Variants in SRRM4 observed in about 807,000 individuals in gnomAD.
SRRM4 encodes serine/arginine repetitive matrix 4, also known as serine/arginine repetitive matrix protein 4.
Under a neutral mutation model 68.9 loss-of-function variants are expected in SRRM4, and 33 were observed. That is an observed-to-expected ratio of 0.48 (90% CI 0.36 to 0.64). The LOEUF (loss-of-function observed/expected upper bound fraction) is 0.64. Among genes scored for constraint, SRRM4 ranks in the 30% least tolerant of loss-of-function variants. SRRM4 has a pLI of 0.00. For synonymous variants in SRRM4, 318 were observed against 318.8 expected (o/e 1.00, Z 0.03); for missense variants, 817 against 827.1 (o/e 0.99, Z 0.15).
chr12:119,120,941 A>C (rs971045613), intron 5 of SRRM4, among the ~76,000 whole-genome samples: 1 of 152,176 alleles, frequency 6.6e-6, no homozygotes, highest in African/African-American at 2.4e-5. Flanking sequence ...AATAACAATA[A>C]CCACATCTAG....
intron 1 of SRRM4, among the ~76,000 whole-genome samples, chr12:119,002,942 T>C (rs1953394029): frequency 6.7e-6 from 1 of 150,358 alleles, no homozygotes; most frequent in African/African-American, 2.4e-5. Flanking sequence ...TGAATGAAAT[T>C]GCTTCAACCT....
intron 4 of SRRM4, among the ~76,000 whole-genome samples, chr12:119,118,898 AG>A (rs1290918545): frequency 6.6e-6 from 1 of 152,108 alleles, no homozygotes; most frequent in Non-Finnish European, 1.5e-5. Context: ...GGAGATGATT[AG>A]GAGGGGAAAT....
In SRRM4 at chr12:119,065,311, G is replaced by A. The variant is rs144554797; in HGVS notation, c.132-36925G>A. Among the ~76,000 whole-genome samples, 3 of 152,318 alleles carry A rather than the reference G, an allele frequency of 2.0e-5. No homozygotes were observed. In the East Asian group the frequency reaches 5.8e-4, roughly 29 times the overall value. ...CCATCAAAAATGTAGACAGCTCCAA[G>A]TGAGTCAGATCCCCTGACTGAAACA... On this transcript the variant is annotated intron_variant, in intron 1 of 12. Coordinates refer to ENST00000267260, the MANE Select transcript of SRRM4 (RefSeq NM_194286.4).
intron 12 of SRRM4, among the ~76,000 whole-genome samples, chr12:119,155,951 C>T (rs1004508760): frequency 2.0e-5 from 3 of 152,118 alleles, no homozygotes; most frequent in African/African-American, 7.2e-5. Flanking sequence ...TTTAGTCAAT[C>T]TCAAATAATT....
chr12:119,125,060 A>G (rs1026256651), intron 6 of SRRM4, among the ~76,000 whole-genome samples: 5 of 152,092 alleles, frequency 3.3e-5, no homozygotes, highest in African/African-American at 1.2e-4. Context: ...GCCTGCCTTG[A>G]GTGATGCAGA....
chr12:119,004,119 C>T (rs369443063), intron 1 of SRRM4, among the ~76,000 whole-genome samples: 5 of 152,136 alleles, frequency 3.3e-5, no homozygotes, highest in South Asian at 4.2e-4. Context: ...TGGTACCAAA[C>T]TCTTTTTGAA....
At chr12:119,071,056 G>A (rs75236934) in intron 1 of SRRM4, among the ~76,000 whole-genome samples, 3,451 of 152,250 alleles carry the variant, frequency 0.023, 52 homozygotes, top group Middle Eastern at 0.085. Flanking sequence ...CAGGTTTTCC[G>A]TGGCAGGCCA....
chr12:119,029,831 C>T (rs1953575805), intron 1 of SRRM4, among the ~76,000 whole-genome samples: 1 of 152,146 alleles, frequency 6.6e-6, no homozygotes. Context: ...TAAATGCAGA[C>T]ATGGCAGGGT....
chr12:119,116,905 C>T, intron 3 of SRRM4, 32 bp from the exon 4 acceptor site: 1 of 1,609,316 alleles, frequency 6.2e-7, no homozygotes, highest in South Asian at 1.1e-5. Context: ...TTAAGAGCCT[C>T]CTTCTGAAAT....
At chr12:119,048,981 A>G (rs960925892) in intron 1 of SRRM4, among the ~76,000 whole-genome samples, 4 of 152,188 alleles carry the variant, frequency 2.6e-5, no homozygotes, top group Admixed American at 2.6e-4. Context: ...TCATTCATTC[A>G]AGACATCTTT....
intron 1 of SRRM4, among the ~76,000 whole-genome samples, chr12:119,030,813 C>A (rs1953584380): frequency 6.6e-6 from 1 of 152,016 alleles, no homozygotes; most frequent in Non-Finnish European, 1.5e-5. Context: ...GCTATTCGAC[C>A]TTTTTTAACC....
chr12:119,072,609 G>A (rs1208534748), intron 1 of SRRM4, among the ~76,000 whole-genome samples: 1 of 129,336 alleles, frequency 7.7e-6, no homozygotes, highest in Non-Finnish European at 1.7e-5. Flanking sequence ...TTACGCAGGG[G>A]CTGTTTTACC....
At chr12:119,069,795 C>A (rs1953866460) in intron 1 of SRRM4, 1 of 152,218 alleles carries the variant, frequency 6.6e-6, no homozygotes, top group African/African-American at 2.4e-5. Flanking sequence ...TACCCACTAT[C>A]ACTTAAGCTA....
At chr12:118,999,492 G>T (rs1386261090) in intron 1 of SRRM4, among the ~76,000 whole-genome samples, 1 of 152,170 alleles carries the variant, frequency 6.6e-6, no homozygotes, top group Non-Finnish European at 1.5e-5. Flanking sequence ...CTTATCTGCA[G>T]CATTGGCATA....
At chr12:119,052,452 C>T (rs1203650275) in intron 1 of SRRM4, among the ~76,000 whole-genome samples, 2 of 152,152 alleles carry the variant, frequency 1.3e-5, no homozygotes, top group Admixed American at 1.3e-4. Context: ...TAGTTTAATT[C>T]CAACCAAGTA....
In SRRM4 at chr12:119,114,301, C is replaced by T. The variant is rs1263131647; in HGVS notation, c.302C>T (p.Thr101Ile). The T allele has an allele frequency of 3.7e-6, 6 of 1,612,452 alleles. No homozygotes were observed. The highest frequency in any genetic ancestry group is 5.1e-6 in the Non-Finnish European group (6 of 1,179,320). ...AGTGCCTCTCATGACAAAGACTTGA[C>T]ACCACCACCTTCCTCCAGGGGAAAG... ...GHSASHDKDL[T>I]PPPSSRGKKK... is the part of the protein sequence containing the mutation. The change falls in exon 3 of 13, where the codon ACA (threonine) becomes ATA (isoleucine). Residue 101 changes from threonine to isoleucine, a missense_variant. Coordinates refer to ENST00000267260, the MANE Select transcript of SRRM4 (RefSeq NM_194286.4).
intron 1 of SRRM4, among the ~76,000 whole-genome samples, chr12:119,020,064 T>C (rs529766422): frequency 6.6e-6 from 1 of 150,852 alleles, no homozygotes; most frequent in South Asian, 2.1e-4. Flanking sequence ...GGTGGCACAG[T>C]GTGGTCAATG....
chr12:119,075,086 G>A (rs1220044949), intron 1 of SRRM4, among the ~76,000 whole-genome samples: 3 of 152,148 alleles, frequency 2.0e-5, no homozygotes, highest in Admixed American at 6.5e-5. Context: ...CCTTCTGTAA[G>A]GTCTGATGGA....
At position 118,981,776 on chromosome 12, in the gene SRRM4, TG is replaced by T; in HGVS notation, c.-104del. 1 of 1,217,238 alleles carries T rather than the reference TG, an allele frequency of 8.2e-7. No homozygotes were observed. Among genetic ancestry groups the T allele is most frequent in the Non-Finnish European group, 1.1e-6 (1 of 900,954 alleles). 75.4% of individuals were successfully genotyped at this position (1,217,238 alleles called of 1,614,324 possible). On this transcript the variant is annotated 5_prime_UTR_variant, in exon 1 of 13. Coordinates refer to ENST00000267260, the MANE Select transcript of SRRM4 (RefSeq NM_194286.4). ...CGATCTCTCCCACCCCACCCCTCTC[TG>T]GGTTTCACCCGGACAGAGCCGGGAG...
Sources: allele counts gnomAD v4.1 joint callset (sites outside exome capture counted in the v4.1 genomes callset), GRCh38; gene constraint gnomAD v4.1.1; transcripts MANE v1.5; gene names NCBI Gene and HGNC (gene_info 2026-07-23, HGNC 2026-07-21).